The following LGI3 variants were observed in gnomAD, a reference collection of about 807,000 sequenced individuals.
LGI3 encodes leucine rich repeat LGI family member 3.
LGI3 carries 47 observed loss-of-function variants against 55.4 expected under a neutral mutation model. The observed-to-expected ratio is 0.85, with a 90% CI of 0.67 to 1.08. LGI3 has a LOEUF of 1.08. Ranked by LOEUF, LGI3 falls within the 50% of genes least tolerant of loss-of-function variation. The pLI is 0.00. For missense variants in LGI3, 664 were observed against 726.3 expected, an observed-to-expected ratio of 0.91 and a Z score of 0.99; for synonymous variants, 326 against 315.0, an observed-to-expected ratio of 1.04 and a Z score of -0.37.
rs761446198 is a variant in LGI3 at position 22,156,330 on chromosome 8, C to A, written c.206+7G>T. ...CCCAACCCCCAAGGCCAGGGCTGGA[C>A]ACTCACAGGGAGATGACCTCCGAGG... On this transcript the variant is annotated splice_region_variant and intron_variant, in intron 1 of 7. Transcript: ENST00000306317. 1.9e-6 allele frequency: 3 copies of A among 1,610,802 alleles called. No homozygotes were observed. Among genetic ancestry groups the A allele is most frequent in the Admixed American group, 1.7e-5 (1 of 59,944 alleles).
At chr8:22,149,248 A>C (rs1055129908) in intron 7 of LGI3, among the ~76,000 whole-genome samples, 2 of 152,242 alleles carry the variant, frequency 1.3e-5, no homozygotes, top group South Asian at 4.1e-4. Context: ...GTCCCTCGAT[A>C]GTGACTCGTT....
chr8:22,151,448 C>G, intron 7 of LGI3, 41 bp downstream of exon 7: 1 of 1,600,670 alleles, frequency 6.2e-7, no homozygotes, highest in Non-Finnish European at 8.5e-7. Flanking sequence ...CTCCCCCCTC[C>G]CCCTAGCAAG....
intron 5 of LGI3, among the ~76,000 whole-genome samples, chr8:22,152,956 A>G (rs1827398916): frequency 6.6e-6 from 1 of 151,266 alleles, no homozygotes; most frequent in Non-Finnish European, 1.5e-5. Context: ...AGGCTGAGGC[A>G]GGAGAATTGC....
Position 22,155,126 on chromosome 8 carries a change from G to T in LGI3, c.278+266C>A. 7.6e-6 allele frequency: 4 copies of T among 524,196 alleles called. No individual in the cohort carries two copies. In the Admixed American group the frequency reaches 1.4e-4, roughly 18 times the overall value. The allele number at this position is 524,196 out of a possible 1,614,324, so 32.5% of individuals were successfully genotyped here. A position where few individuals can be genotyped will look rare whatever the true frequency, so the allele number is the denominator to read the frequency against. On this transcript the variant is annotated intron_variant, in intron 2 of 7. Transcript: ENST00000306317. ...CCAGGCTATCGCACCCAATTCTCTG[G>T]GGTTTCCAGAGCAGCCAAGCCCATC...
In LGI3 at chr8:22,148,806, G is replaced by T; in HGVS notation, c.1001C>A (p.Ala334Asp). 6.2e-7 allele frequency: 1 copy of T among 1,614,212 alleles called. No individual in the cohort carries two copies. Among genetic ancestry groups the T allele is most frequent in the Non-Finnish European group, 8.5e-7 (1 of 1,180,038 alleles). Reference protein sequence around the residue: ...QRVRKPNDLEAFRIDGDWYFA... With the variant: ...QRVRKPNDLEDFRIDGDWYFA... ...GTACCAGTCACCGTCGATGCGGAAG[G>T]CTTCTAGGTCGTTAGGCTTGCGCAC... The change falls in exon 8 of 8, where the codon GCC (alanine) becomes GAC (aspartate). Residue 334 changes from alanine (A) to aspartate (D), a missense_variant. Ala to Asp is a moderately radical substitution (Grantham distance 126). Coordinates refer to ENST00000306317, the MANE Select transcript of LGI3 (RefSeq NM_139278.4). This position sits in a 1 kb window ranked among gnomAD's most constrained non-coding sequence, Gnocchi z 7.0.
At position 22,154,439 on chromosome 8, in the gene LGI3, G is replaced by A. The variant is rs114180538; in HGVS notation, c.350+121C>T. ...GCCATCACGGGATGCAAGGGCTCTCGCCTCCCATCACCTTCCCTTCCTGCG... is the reference window on the plus strand; with the variant it reads ...GCCATCACGGGATGCAAGGGCTCTCACCTCCCATCACCTTCCCTTCCTGCG... On this transcript the variant is annotated intron_variant, in intron 3 of 7. Transcript: ENST00000306317. The A allele has an allele frequency of 4.0e-3, 3,700 of 925,902 alleles. 94 individuals carry two copies. In the African/African-American group the frequency reaches 0.054, roughly 13 times the overall value. 57.4% of individuals were successfully genotyped at this position (925,902 alleles called of 1,614,324 possible). A position where few individuals can be genotyped will look rare whatever the true frequency, so the allele number is the denominator to read the frequency against.
rs754675847 is a variant in LGI3, at chr8:22,154,546, T to C, written c.350+14A>G. On this transcript the variant is annotated intron_variant, in intron 3 of 7. Coordinates refer to ENST00000306317, the MANE Select transcript of LGI3 (RefSeq NM_139278.4). Reference sequence around the variant, plus strand: ...CCCTTCTGCTTTCCCATTGCCCCTTTCCCTCCCACACACAGATACTGCAGG... The same window carrying C: ...CCCTTCTGCTTTCCCATTGCCCCTTCCCCTCCCACACACAGATACTGCAGG... 1.9e-6 allele frequency: 3 copies of C among 1,612,480 alleles called. No homozygotes were observed. Among genetic ancestry groups the C allele is most frequent in the Non-Finnish European group, 2.5e-6 (3 of 1,178,648 alleles).
chr8:22,155,317 T>C (rs985406027), intron 2 of LGI3, 75 bp downstream of exon 2: 1 of 1,400,978 alleles, frequency 7.1e-7, no homozygotes, highest in African/African-American at 1.4e-5. Flanking sequence ...CCACTCTCCC[T>C]CTCCCCAGCC....
Position 22,148,091 on chromosome 8 carries a change from T to G in LGI3, c.*69A>C. On this transcript the variant is annotated 3_prime_UTR_variant, in exon 8 of 8. Coordinates refer to ENST00000306317, the MANE Select transcript of LGI3 (RefSeq NM_139278.4). This position sits in a 1 kb window ranked among gnomAD's most constrained non-coding sequence, Gnocchi z 7.0. ...TCGCTTGTCTTCACACAGGCATACG[T>G]GGTGCTCACAGAGGCCCCCACCCAT... 7.6e-7 allele frequency: 1 copy of G among 1,309,218 alleles called. No homozygotes were observed. The highest frequency in any genetic ancestry group is 1.5e-5 in the African/African-American group (1 of 67,596). The allele number at this position is 1,309,218 out of a possible 1,614,324, so 81.1% of individuals were successfully genotyped here.
At chr8:22,155,814 T>A (rs889936478) in intron 1 of LGI3, among the ~76,000 whole-genome samples, 18 of 152,222 alleles carry the variant, frequency 1.2e-4, no homozygotes, top group African/African-American at 4.3e-4. Context: ...GGCATCCTGG[T>A]CCCCAAGGAC....
Position 22,148,466 on chromosome 8 carries a change from C to T in LGI3, c.1341G>A (p.Lys447=). 1 of 1,612,714 alleles carries T rather than the reference C, an allele frequency of 6.2e-7. No homozygotes were observed. Among genetic ancestry groups the T allele is most frequent in the South Asian group, 1.1e-5 (1 of 91,054 alleles). The stretch of plus-strand genomic sequence containing the variant: ...AGCGGGTACCCTCCCAGCGCAGGAT[C>T]TTGGAGTCGCCAATGTAGCGGCTGA... ...LCLSRYIGDS[K]ILRWEGTRFS... is the part of the protein sequence containing the mutation. The change falls in exon 8 of 8, where the codon AAG becomes AAA. Residue 447 remains lysine (K), a synonymous_variant. Transcript: ENST00000306317. The surrounding 1 kb of genome is among the most constrained non-coding windows in gnomAD (Gnocchi z 7.0).
rs559619225 is a variant in LGI3 at position 22,155,448 on chromosome 8, G to C, written c.222C>G (p.Ala74=). The change falls in exon 2 of 8, where the codon GCC becomes GCG. Residue 74 remains alanine, a synonymous_variant. Transcript: ENST00000306317. ...SEVISLTLVN[A]AFSEIQDGAF... is the part of the protein sequence containing the mutation. ...CTCCATCCTGGATCTCTGAGAAGGC[G>C]GCATTCACCAGGGTCCTGCGGGGAC... The C allele has an allele frequency of 6.2e-7, 1 of 1,613,802 alleles. No individual in the cohort carries two copies. The highest frequency in any genetic ancestry group is 1.1e-5 in the South Asian group (1 of 91,086).
chr8:22,153,593 C>T (rs1353755947), intron 5 of LGI3, among the ~76,000 whole-genome samples: 1 of 151,790 alleles, frequency 6.6e-6, no homozygotes, highest in East Asian at 1.9e-4. Flanking sequence ...TCCCTTAGTC[C>T]CAGCTACTCC....
At chr8:22,149,245 G>A (rs776575703) in intron 7 of LGI3, among the ~76,000 whole-genome samples, 22 of 152,188 alleles carry the variant, frequency 1.4e-4, no homozygotes, top group African/African-American at 4.8e-4. Flanking sequence ...AGTGTCCCTC[G>A]ATAGTGACTC....
Position 22,147,810 on chromosome 8 carries a change from A to C in LGI3, c.*350T>G. On this transcript the variant is annotated 3_prime_UTR_variant, in exon 8 of 8. Transcript: ENST00000306317. ...CCAGAGGGGCAGAAGGAGAAGCACA[A>C]GGACAGGAGGATGCGGCCCCCCTCG... is the stretch of plus-strand genomic sequence containing the variant. The C allele has an allele frequency of 8.7e-6, 2 of 229,568 alleles. 1 individual carries two copies. Among genetic ancestry groups the C allele is most frequent in the Non-Finnish European group, 1.7e-5 (2 of 116,326 alleles). 14.2% of individuals were successfully genotyped at this position (229,568 alleles called of 1,614,324 possible). A position where few individuals can be genotyped will look rare whatever the true frequency, so the allele number is the denominator to read the frequency against.
intron 5 of LGI3, 55 bp downstream of exon 5, chr8:22,153,913 C>T (rs560869495): frequency 6.4e-7 from 1 of 1,571,792 alleles, no homozygotes; most frequent in Admixed American, 1.7e-5. Context: ...ACACCACTCC[C>T]TCCAGGGATG....
Position 22,147,877 on chromosome 8 carries a change from G to A in LGI3, c.*283C>T, listed in dbSNP as rs1827325207. 4.7e-6 allele frequency: 2 copies of A among 425,804 alleles called. No individual in the cohort carries two copies. Among genetic ancestry groups the A allele is most frequent in the Non-Finnish European group, 8.4e-6 (2 of 237,250 alleles). The allele number at this position is 425,804 out of a possible 1,614,324, so 26.4% of individuals were successfully genotyped here. On this transcript the variant is annotated 3_prime_UTR_variant, in exon 8 of 8. Coordinates refer to ENST00000306317, the MANE Select transcript of LGI3 (RefSeq NM_139278.4). ...CCACTCGTGCATGAGACAGGGGGCAGAGCATGGGAAAGGCTGCAGAGTAGG... is the reference window on the plus strand; with the variant it reads ...CCACTCGTGCATGAGACAGGGGGCAAAGCATGGGAAAGGCTGCAGAGTAGG...
rs575575431 is a variant in LGI3 at position 22,153,065 on chromosome 8, T to C, written c.494+903A>G. Among the ~76,000 whole-genome samples, 1,276 of 149,722 alleles carry C rather than the reference T, an allele frequency of 8.5e-3. 23 individuals carry two copies. Among genetic ancestry groups the C allele is most frequent in the African/African-American group, 0.03 (1,222 of 40,364 alleles). ...ACTCTGTCTAAAAAAAAAAAAAATTTTTTAAAGTACTTTTTTTTTTTTTTT... is the reference window on the plus strand; with the variant it reads ...ACTCTGTCTAAAAAAAAAAAAAATTCTTTAAAGTACTTTTTTTTTTTTTTT... On this transcript the variant is annotated intron_variant, in intron 5 of 7. Coordinates refer to ENST00000306317, the MANE Select transcript of LGI3 (RefSeq NM_139278.4).
chr8:22,156,278 A>C, intron 1 of LGI3, 59 bp downstream of exon 1: 2 of 1,571,858 alleles, frequency 1.3e-6, no homozygotes, highest in Non-Finnish European at 1.7e-6. Context: ...GTCCTCTCCC[A>C]GAGCTGTCCT....
Sources: gnomAD v4.1 joint callset for allele counts (sites outside exome capture counted in the v4.1 genomes callset) on GRCh38, gnomAD v4.1.1 for gene constraint, Gnocchi (gnomAD v3.1) non-coding constraint, MANE v1.5 for transcripts, NCBI Gene and HGNC (gene_info 2026-07-23, HGNC 2026-07-21) for gene names.